The following MYCBP2 variants were observed in gnomAD, a reference collection of about 807,000 sequenced individuals.
MYCBP2 encodes the protein E3 ubiquitin-protein ligase MYCBP2.
A neutral mutation model predicts 525.3 loss-of-function variants in MYCBP2; 120 were observed. That is an observed-to-expected ratio of 0.23 (90% CI 0.20 to 0.27). MYCBP2 has a LOEUF of 0.27. MYCBP2 is among the 10% of genes least tolerant of loss of function. MYCBP2 has a pLI of 1.00. For missense variants in MYCBP2, 4,149 were observed against 5,657.1 expected (o/e 0.73, Z 8.55); for synonymous variants, 1,894 against 1,955.8 (o/e 0.97, Z 0.83).
intron 55 of MYCBP2, among the ~76,000 whole-genome samples, chr13:77,116,709 T>C (rs138799004): frequency 1.1e-4 from 17 of 152,158 alleles, no homozygotes; most frequent in African/African-American, 3.6e-4. Context: ...AATAAAGTGG[T>C]GGTACTGATA....
At chr13:77,070,581 C>G in intron 69 of MYCBP2, 50 bp downstream of exon 69, 1 of 1,307,812 alleles carries the variant, frequency 7.6e-7, no homozygotes. Context: ...CAAACACACA[C>G]ACACACACAC....
Position 77,064,748 on chromosome 13 carries a change from CAG to C in MYCBP2, c.12553-16_12553-15del. 1 of 1,604,674 alleles carries C rather than the reference CAG, an allele frequency of 6.2e-7. No individual in the cohort carries two copies. The highest frequency in any genetic ancestry group is 8.5e-7 in the Non-Finnish European group (1 of 1,175,964). ...TGACAGATGACCCTATTGAGCAGAA[CAG>C]AGTATTTTAATAAGTGACCAGAAAT... On this transcript the variant is annotated splice_polypyrimidine_tract_variant and intron_variant, in intron 72 of 82. Coordinates refer to ENST00000544440, the MANE Select transcript of MYCBP2 (RefSeq NM_015057.5).
intron 28 of MYCBP2, among the ~76,000 whole-genome samples, chr13:77,190,903 T>C (rs902462374): frequency 3.3e-5 from 5 of 152,212 alleles, no homozygotes; most frequent in African/African-American, 9.6e-5. Flanking sequence ...CACTGGAATA[T>C]ATACTGTTAT....
intron 23 of MYCBP2, among the ~76,000 whole-genome samples, chr13:77,210,937 G>A (rs1387225810): frequency 1.3e-5 from 2 of 152,300 alleles, no homozygotes; most frequent in African/African-American, 4.8e-5. Context: ...GACACAGAAA[G>A]CAAGTTGTGG....
At chr13:77,106,457 A>G (rs1317774394) in intron 55 of MYCBP2, among the ~76,000 whole-genome samples, 2 of 152,180 alleles carry the variant, frequency 1.3e-5, no homozygotes, top group Non-Finnish European at 2.9e-5. Context: ...GAAATACATT[A>G]TATTCAGGAG....
intron 69 of MYCBP2, among the ~76,000 whole-genome samples, chr13:77,069,623 G>A (rs923356169): frequency 6.0e-5 from 9 of 150,382 alleles, no homozygotes; most frequent in Admixed American, 2.0e-4. Flanking sequence ...TTGGGAGGCC[G>A]AGGCGGGTGG....
At chr13:77,248,967 C>A (rs2070612082) in intron 15 of MYCBP2, among the ~76,000 whole-genome samples, 1 of 152,126 alleles carries the variant, frequency 6.6e-6, no homozygotes. Flanking sequence ...ATGTGACAAC[C>A]TGGATGAACT....
chr13:77,222,259 C>T (rs570177636), intron 20 of MYCBP2, among the ~76,000 whole-genome samples: 2 of 152,274 alleles, frequency 1.3e-5, no homozygotes, highest in South Asian at 4.1e-4. Context: ...TATGTCATAT[C>T]CAGCAGACAC....
At chr13:77,179,893 A>C (rs1231348049) in intron 34 of MYCBP2, among the ~76,000 whole-genome samples, 2 of 152,182 alleles carry the variant, frequency 1.3e-5, no homozygotes, top group South Asian at 2.1e-4. Flanking sequence ...GACCTGCTCT[A>C]TGAGGAAAAT....
At chr13:77,102,928 C>T (rs1447829843) in intron 55 of MYCBP2, among the ~76,000 whole-genome samples, 6 of 151,760 alleles carry the variant, frequency 4.0e-5, no homozygotes, top group East Asian at 3.9e-4. Flanking sequence ...TTTCCTTATA[C>T]CTATTTTAAT....
intron 7 of MYCBP2, among the ~76,000 whole-genome samples, chr13:77,269,098 C>T (rs1436142741): frequency 6.6e-6 from 1 of 152,152 alleles, no homozygotes; most frequent in African/African-American, 2.4e-5. Context: ...GGCTGCTGAC[C>T]TTGTAAAAGG....
At chr13:77,046,207 G>A (rs566447657) in intron 82 of MYCBP2, among the ~76,000 whole-genome samples, 4 of 152,220 alleles carry the variant, frequency 2.6e-5, no homozygotes, top group South Asian at 2.1e-4. Context: ...TGTGCTTCAC[G>A]TCATGGGTTT....
intron 26 of MYCBP2, among the ~76,000 whole-genome samples, chr13:77,205,051 TAATA>T (rs1157315096): frequency 1.3e-5 from 2 of 151,768 alleles, no homozygotes; most frequent in African/African-American, 2.4e-5. Context: ...AGTATAATAA[TAATA>T]AATAAATAAA....
At chr13:77,121,133 GA>G (rs935592756) in intron 55 of MYCBP2, 16 of 260,262 alleles carry the variant, frequency 6.1e-5, no homozygotes, top group East Asian at 7.3e-5. Context: ...TTTTTAAATA[GA>G]AAAAAAATAA....
chr13:77,088,808 G>A (rs2044838998), intron 61 of MYCBP2, 24 bp downstream of exon 61: 2 of 1,559,984 alleles, frequency 1.3e-6, no homozygotes, highest in Middle Eastern at 1.7e-4. Context: ...CAATGAATCA[G>A]TAATTTCATT....
intron 55 of MYCBP2, among the ~76,000 whole-genome samples, chr13:77,102,522 G>A (rs1032082990): frequency 3.3e-5 from 5 of 151,370 alleles, no homozygotes; most frequent in Admixed American, 3.3e-4. Context: ...AATACTTTAA[G>A]ACAAAATATT....
At chr13:77,103,669 T>A (rs1236359897) in intron 55 of MYCBP2, among the ~76,000 whole-genome samples, 1 of 152,060 alleles carries the variant, frequency 6.6e-6, no homozygotes, top group Non-Finnish European at 1.5e-5. Flanking sequence ...AGTTTTTTTT[T>A]AATAGTGGAA....
chr13:77,191,867 A>AAGG, intron 27 of MYCBP2, 54 bp from the exon 28 acceptor site: 1 of 1,555,134 alleles, frequency 6.4e-7, no homozygotes, highest in South Asian at 1.2e-5. Context: ...TCTGTCACAT[A>AAGG]TATTTATTTT....
In MYCBP2 at chr13:77,097,755, A is replaced by C. The variant is rs764970669; in HGVS notation, c.9399T>G (p.Cys3133Trp). ...AAGTGGTCTCGGTTTTCCCATCCTC[A>C]CATTTTTCATGCAGAGGTGGTTCCT... ...MLKEPPLHEK[C>W]EDGKTETTFE... The change falls in exon 56 of 83, where the codon TGT becomes TGG. Residue 3133 changes from cysteine to tryptophan, a missense_variant. Around this residue, in one of 21 missense-constraint regions of MYCBP2, gnomAD observed 653 missense variants for 744.7 expected, o/e 0.88. Coordinates refer to ENST00000544440, the MANE Select transcript of MYCBP2 (RefSeq NM_015057.5). 1 of 1,613,626 alleles carries C rather than the reference A, an allele frequency of 6.2e-7. No homozygotes were observed. Among genetic ancestry groups the C allele is most frequent in the South Asian group, 1.1e-5 (1 of 91,050 alleles).
Sources: allele counts gnomAD v4.1 joint callset (sites outside exome capture counted in the v4.1 genomes callset), GRCh38; gene constraint gnomAD v4.1.1; regional missense constraint gnomAD v4.1.1; transcripts MANE v1.5; gene names NCBI Gene and HGNC (gene_info 2026-07-23, HGNC 2026-07-21).